The following SLC39A8 variants were observed in gnomAD, a reference collection of about 807,000 sequenced individuals.
The protein encoded by SLC39A8 is metal cation symporter ZIP8.
SLC39A8 carries 15 observed loss-of-function variants against 40.4 expected under a neutral mutation model. The ratio of observed to expected loss-of-function variants is 0.37; its 90% confidence interval spans 0.25 to 0.57. The LOEUF (loss-of-function observed/expected upper bound fraction) is 0.57, where lower values mean the gene tolerates loss of function less well. SLC39A8 is among the 20% of genes least tolerant of loss of function. The pLI, the probability that SLC39A8 is intolerant of heterozygous loss-of-function variation, is 0.75. For synonymous variants in SLC39A8, 223 were observed against 221.6 expected (o/e 1.01, Z -0.06); for missense variants, 472 against 558.8 (o/e 0.84, Z 1.57).
chr4:102,335,155 G>A (rs1251911819), intron 2 of SLC39A8, among the ~76,000 whole-genome samples: 2 of 152,128 alleles, frequency 1.3e-5, no homozygotes, highest in Admixed American at 6.6e-5. Context: ...CTCTGCTCCT[G>A]AAGAAAACTG....
chr4:102,263,716 A>C (rs1426215456), intron 8 of SLC39A8, among the ~76,000 whole-genome samples: 1 of 152,198 alleles, frequency 6.6e-6, no homozygotes, highest in East Asian at 1.9e-4. Context: ...TTATTTCCAA[A>C]GTGGAGGCAA....
At chr4:102,330,330 TA>T (rs1436071512) in intron 2 of SLC39A8, among the ~76,000 whole-genome samples, 1 of 152,034 alleles carries the variant, frequency 6.6e-6, no homozygotes, top group Admixed American at 6.5e-5. Flanking sequence ...TTAAAAATGA[TA>T]AAGGGGAAAT....
At chr4:102,345,009 C>T in intron 1 of SLC39A8, 94 bp from the exon 2 acceptor site, 1 of 804,518 alleles carries the variant, frequency 1.2e-6, no homozygotes, top group Non-Finnish European at 1.6e-6. Context: ...AGCCCTCAAA[C>T]GCCCGGCCGG....
chr4:102,257,151 CTA>C (rs1186757747), downstream of SLC39A8, among the ~76,000 whole-genome samples: 3 of 150,772 alleles, frequency 2.0e-5, no homozygotes, highest in Non-Finnish European at 4.4e-5. Flanking sequence ...GTTGGATTTT[CTA>C]TGTCTTTTTT....
At chr4:102,313,026 A>C (rs1034498650) in intron 3 of SLC39A8, among the ~76,000 whole-genome samples, 1 of 152,184 alleles carries the variant, frequency 6.6e-6, no homozygotes, top group African/African-American at 2.4e-5. Context: ...CTCTAGCAAA[A>C]ATATTTGCTT....
intron 6 of SLC39A8, among the ~76,000 whole-genome samples, chr4:102,284,707 C>G (rs1733074685): frequency 6.6e-6 from 1 of 152,014 alleles, no homozygotes; most frequent in South Asian, 2.1e-4. Context: ...AAGTCACAAA[C>G]ACTATAAAAA....
At chr4:102,255,665 C>A (rs979626208) in intron 11 of SLC39A8, among the ~76,000 whole-genome samples, 1 of 152,116 alleles carries the variant, frequency 6.6e-6, no homozygotes, top group Non-Finnish European at 1.5e-5. Flanking sequence ...TTGGGAGAAA[C>A]CAGTTTCTAA....
chr4:102,333,277 G>A (rs1381077625), intron 2 of SLC39A8, among the ~76,000 whole-genome samples: 1 of 152,146 alleles, frequency 6.6e-6, no homozygotes, highest in Non-Finnish European at 1.5e-5. Flanking sequence ...AGCAGTAACA[G>A]AGTGTATGTG....
At chr4:102,327,203 G>A (rs1029376807) in intron 2 of SLC39A8, among the ~76,000 whole-genome samples, 1 of 152,176 alleles carries the variant, frequency 6.6e-6, no homozygotes, top group Non-Finnish European at 1.5e-5. Flanking sequence ...CAAGGCTGCA[G>A]TGAGTCATGA....
intron 3 of SLC39A8, among the ~76,000 whole-genome samples, chr4:102,313,840 G>A (rs1353402362): frequency 6.6e-6 from 1 of 151,922 alleles, no homozygotes; most frequent in East Asian, 1.9e-4. Flanking sequence ...CCTCTGCCTT[G>A]GCCTCCCAAA....
chr4:102,337,467 A>G (rs1173613331), intron 2 of SLC39A8, among the ~76,000 whole-genome samples: 3 of 152,128 alleles, frequency 2.0e-5, no homozygotes, highest in Non-Finnish European at 2.9e-5. Context: ...ATCTATCCCA[A>G]TTATGGAAAG....
chr4:102,304,452 G>C lies in SLC39A8; in HGVS notation c.705C>G (p.Asn235Lys), dbSNP rs1169373300. 1 of 1,611,184 alleles carries C rather than the reference G, an allele frequency of 6.2e-7. No homozygotes were observed. The highest frequency in any genetic ancestry group is 8.5e-7 in the Non-Finnish European group (1 of 1,178,202). Residue 235 changes from asparagine to lysine, a missense_variant, in exon 6 of 9, where the codon AAC becomes AAG. Coordinates refer to ENST00000356736, the MANE Select transcript of SLC39A8 (RefSeq NM_001135146.2). Reference protein sequence around the residue: ...QNGHTHFGNDNFGPQEKTHQP... With the variant: ...QNGHTHFGNDKFGPQEKTHQP... ...GATGAGTTTTTTCTTGAGGACCAAA[G>C]TTATCATTTCCAAAGTGGGTATGAC...
At chr4:102,276,134 T>C (rs1286598948) in intron 6 of SLC39A8, among the ~76,000 whole-genome samples, 1 of 151,818 alleles carries the variant, frequency 6.6e-6, no homozygotes, top group East Asian at 1.9e-4. Context: ...ATAACTAAGA[T>C]CAGAGCAGAA....
At chr4:102,265,783 C>A (rs546348779) in intron 8 of SLC39A8, among the ~76,000 whole-genome samples, 43 of 152,234 alleles carry the variant, frequency 2.8e-4, no homozygotes, top group African/African-American at 9.2e-4. Context: ...TATTTTTCTC[C>A]AACTGAATCA....
At chr4:102,309,366 C>T (rs1734326257) in intron 3 of SLC39A8, among the ~76,000 whole-genome samples, 2 of 152,058 alleles carry the variant, frequency 1.3e-5, no homozygotes, top group African/African-American at 4.8e-5. Flanking sequence ...ACTGCATCTT[C>T]TCCAGACACT....
chr4:102,315,643 AAG>A, intron 3 of SLC39A8, 23 bp downstream of exon 3: 2 of 1,569,898 alleles, frequency 1.3e-6, no homozygotes, highest in South Asian at 2.4e-5. Context: ...TTTCAAATAA[AAG>A]AGAAAAAATG....
At chr4:102,258,041 C>T (rs946313801), downstream of SLC39A8, among the ~76,000 whole-genome samples, 1 of 152,086 alleles carries the variant, frequency 6.6e-6, no homozygotes, top group African/African-American at 2.4e-5. Context: ...TTCTCAGCTG[C>T]AGCCTGGCCT....
In SLC39A8 at chr4:102,261,974, T is replaced by TAAC. The variant is rs1253996911; in HGVS notation, c.*1067_*1069dup. The stretch of plus-strand genomic sequence containing the variant: ...CTGTCTTTTATAAAAGGTAGAAAAA[T>TAAC]AACCATGGTGTGCTAATTTTTTTCA... On this transcript the variant is annotated 3_prime_UTR_variant, in exon 9 of 9. Transcript: ENST00000356736. The TAAC allele has an allele frequency of 1.0e-6, 1 of 985,746 alleles. No individual in the cohort carries two copies. The highest frequency in any genetic ancestry group is 1.2e-6 in the Non-Finnish European group (1 of 829,894). 61.1% of individuals were successfully genotyped at this position (985,746 alleles called of 1,614,324 possible).
At chr4:102,274,448 T>C (rs1006271413) in intron 6 of SLC39A8, among the ~76,000 whole-genome samples, 2 of 152,154 alleles carry the variant, frequency 1.3e-5, no homozygotes, top group Non-Finnish European at 2.9e-5. Flanking sequence ...AATATGGGAC[T>C]ATGTGAAAAG....
Sources: gnomAD v4.1 joint callset for allele counts (sites outside exome capture counted in the v4.1 genomes callset) on GRCh38, gnomAD v4.1.1 for gene constraint, MANE v1.5 for transcripts, NCBI Gene and HGNC (gene_info 2026-07-23, HGNC 2026-07-21) for gene names.